The following ADK variants were observed in gnomAD, a reference collection of about 807,000 sequenced individuals.
ADK encodes adenosine kinase.
In ADK, 24 loss-of-function variants were observed where a neutral mutation model predicts 44.7. The observed-to-expected ratio is 0.54, with a 90% CI of 0.39 to 0.76. The LOEUF (loss-of-function observed/expected upper bound fraction) is 0.76, where lower values mean the gene tolerates loss of function less well. ADK is among the 30% of genes least tolerant of loss of function. The pLI is 0.00. For synonymous variants in ADK, 128 were observed against 142.6 expected, an observed-to-expected ratio of 0.90 and a Z score of 0.73; for missense variants, 321 against 425.1, an observed-to-expected ratio of 0.76 and a Z score of 2.15.
intron 2 of ADK, among the ~76,000 whole-genome samples, chr10:74,220,587 A>G (rs1378475943): frequency 6.6e-6 from 1 of 152,220 alleles, no homozygotes; most frequent in Non-Finnish European, 1.5e-5. Flanking sequence ...TTTTAGACCA[A>G]TACCCTTGAT....
chr10:74,582,097 C>T (rs939087944), intron 7 of ADK, among the ~76,000 whole-genome samples: 14 of 152,078 alleles, frequency 9.2e-5, no homozygotes, highest in East Asian at 3.8e-4. Flanking sequence ...ATACCAACCA[C>T]GTATTATCTC....
chr10:74,275,596 G>T (rs921843668), intron 3 of ADK, among the ~76,000 whole-genome samples: 40 of 152,238 alleles, frequency 2.6e-4, no homozygotes, highest in Middle Eastern at 3.4e-3. Flanking sequence ...TCACAATTCT[G>T]ATTTACAGCC....
intron 7 of ADK, among the ~76,000 whole-genome samples, chr10:74,576,977 A>G (rs544966337): frequency 6.6e-6 from 1 of 152,264 alleles, no homozygotes; most frequent in South Asian, 2.1e-4. Context: ...TATTAAATGC[A>G]GTATGAACTT....
chr10:74,688,577 CAG>C (rs1284879764), intron 10 of ADK, among the ~76,000 whole-genome samples: 1 of 152,114 alleles, frequency 6.6e-6, no homozygotes, highest in African/African-American at 2.4e-5. Context: ...AGTCAGGAAA[CAG>C]AGTAGGCCAT....
intron 7 of ADK, among the ~76,000 whole-genome samples, chr10:74,563,008 T>C (rs1203155209): frequency 6.6e-6 from 1 of 152,248 alleles, no homozygotes; most frequent in Non-Finnish European, 1.5e-5. Flanking sequence ...ATCTACTAAA[T>C]ACTCCCTAGC....
At chr10:74,557,841 G>A (rs1000314616) in intron 7 of ADK, among the ~76,000 whole-genome samples, 9 of 152,186 alleles carry the variant, frequency 5.9e-5, no homozygotes, top group African/African-American at 2.2e-4. Flanking sequence ...GGGGCTTACA[G>A]GTCATCAATG....
chr10:74,157,841 G>A (rs1018273672), intron 1 of ADK, among the ~76,000 whole-genome samples: 2 of 152,142 alleles, frequency 1.3e-5, no homozygotes, highest in African/African-American at 2.4e-5. Context: ...GGGGTGAGCC[G>A]AGATCGTGCC....
intron 1 of ADK, among the ~76,000 whole-genome samples, chr10:74,186,847 C>T (rs1399223500): frequency 6.6e-6 from 1 of 152,110 alleles, no homozygotes; most frequent in Non-Finnish European, 1.5e-5. Context: ...ATGTATGTAG[C>T]AACAAGTCTT....
intron 6 of ADK, among the ~76,000 whole-genome samples, chr10:74,486,689 C>T (rs953850575): frequency 1.3e-5 from 2 of 152,098 alleles, no homozygotes; most frequent in African/African-American, 4.8e-5. Flanking sequence ...CAGTTTTGTC[C>T]TATACTACTA....
intron 1 of ADK, among the ~76,000 whole-genome samples, chr10:74,191,322 G>C (rs557938271): frequency 6.6e-6 from 1 of 151,860 alleles, no homozygotes; most frequent in South Asian, 2.1e-4. Flanking sequence ...TGGTTTTATG[G>C]AAGAGAGGAT....
chr10:74,216,809 G>T (rs1457559844), intron 2 of ADK, among the ~76,000 whole-genome samples: 1 of 152,024 alleles, frequency 6.6e-6, no homozygotes, highest in Non-Finnish European at 1.5e-5. Context: ...TTATACTCAG[G>T]CAATAGAATA....
chr10:74,561,276 C>T (rs1020799801), intron 7 of ADK, among the ~76,000 whole-genome samples: 1 of 152,040 alleles, frequency 6.6e-6, no homozygotes, highest in African/African-American at 2.4e-5. Flanking sequence ...AAGCTTTCAC[C>T]GTTATTAAAG....
intron 6 of ADK, among the ~76,000 whole-genome samples, chr10:74,504,195 G>A (rs1847968515): frequency 6.6e-6 from 1 of 151,750 alleles, no homozygotes; most frequent in African/African-American, 2.4e-5. Context: ...CATTCCTTTT[G>A]GATGATGTCT....
chr10:74,568,528 A>G (rs1051883273), intron 7 of ADK, among the ~76,000 whole-genome samples: 1 of 152,170 alleles, frequency 6.6e-6, no homozygotes, highest in Admixed American at 6.5e-5. Flanking sequence ...GGGCAAGTCC[A>G]CAGTGCAAAG....
At chr10:74,383,590 T>G (rs1449030529) in intron 4 of ADK, among the ~76,000 whole-genome samples, 1 of 152,212 alleles carries the variant, frequency 6.6e-6, no homozygotes, top group Non-Finnish European at 1.5e-5. Flanking sequence ...TAACAAAAGT[T>G]AAGTACACTA....
intron 6 of ADK, among the ~76,000 whole-genome samples, chr10:74,502,668 TAGA>T (rs1469758290): frequency 6.6e-6 from 1 of 152,196 alleles, no homozygotes; most frequent in Non-Finnish European, 1.5e-5. Context: ...GTGATGAAGC[TAGA>T]AGATCTGTTT....
chr10:74,152,908 G>A (rs1483749330), intron 1 of ADK, among the ~76,000 whole-genome samples: 1 of 152,198 alleles, frequency 6.6e-6, no homozygotes, highest in Non-Finnish European at 1.5e-5. Context: ...TAGACATGAA[G>A]TTAAAAGATT....
intron 4 of ADK, among the ~76,000 whole-genome samples, chr10:74,341,419 G>A (rs1051469612): frequency 5.3e-5 from 8 of 151,380 alleles, no homozygotes; most frequent in East Asian, 3.9e-4. Flanking sequence ...CTAGCTACTC[G>A]GGAGGCTGAG....
At chr10:74,222,972 T>C (rs1197927896) in intron 2 of ADK, among the ~76,000 whole-genome samples, 1 of 152,074 alleles carries the variant, frequency 6.6e-6, no homozygotes, top group Non-Finnish European at 1.5e-5. Flanking sequence ...GCAACTAACC[T>C]GCACAATGTG....
Sources: allele counts gnomAD v4.1 joint callset (sites outside exome capture counted in the v4.1 genomes callset), GRCh38; gene constraint gnomAD v4.1.1; transcripts MANE v1.5; gene names NCBI Gene and HGNC (gene_info 2026-07-23, HGNC 2026-07-21).